Variants in SPECC1 observed in about 807,000 individuals in gnomAD.
The protein encoded by SPECC1 is sperm antigen with calponin homology and coiled-coil domains 1.
SPECC1 carries 62 observed loss-of-function variants against 104.1 expected under a neutral mutation model. The observed-to-expected ratio is 0.60, with a 90% CI of 0.49 to 0.74. SPECC1 has a LOEUF of 0.74. Ranked by LOEUF, SPECC1 falls within the 30% of genes least tolerant of loss-of-function variation. The pLI, the probability that SPECC1 is intolerant of heterozygous loss-of-function variation, is 0.00. For missense variants in SPECC1, 1,306 were observed against 1,310.5 expected (o/e 1.00, Z 0.05); for synonymous variants, 513 against 501.6 (o/e 1.02, Z -0.30).
At chr17:20,215,077 A>G (rs1039112187) in intron 4 of SPECC1, among the ~76,000 whole-genome samples, 1 of 152,286 alleles carries the variant, frequency 6.6e-6, no homozygotes, top group Non-Finnish European at 1.5e-5. Flanking sequence ...ATGCAGCCAC[A>G]GAGGAGATCC....
intron 3 of SPECC1, among the ~76,000 whole-genome samples, chr17:20,142,437 C>T (rs1415383307): frequency 1.3e-5 from 2 of 152,080 alleles, no homozygotes; most frequent in Non-Finnish European, 2.9e-5. Context: ...TCAACAGATG[C>T]GTAGATCAAC....
chr17:20,267,822 T>C (rs966238286), intron 12 of SPECC1, among the ~76,000 whole-genome samples: 1 of 152,156 alleles, frequency 6.6e-6, no homozygotes, highest in Non-Finnish European at 1.5e-5. Context: ...CTTTGTCTCC[T>C]CCTCTGTCCT....
At chr17:20,243,773 G>C (rs915839503) in intron 7 of SPECC1, among the ~76,000 whole-genome samples, 7 of 152,204 alleles carry the variant, frequency 4.6e-5, no homozygotes, top group Admixed American at 2.6e-4. Flanking sequence ...TTGAATTGCA[G>C]ATAAATTTAG....
chr17:20,263,832 A>G (rs575361017), intron 12 of SPECC1, among the ~76,000 whole-genome samples: 93 of 152,298 alleles, frequency 6.1e-4, no homozygotes, highest in Non-Finnish European at 1.2e-3. Context: ...AGAGACAGAC[A>G]ATAAGATGTT....
intron 3 of SPECC1, among the ~76,000 whole-genome samples, chr17:20,153,856 T>C (rs2152569010): frequency 2.6e-5 from 4 of 152,378 alleles, no homozygotes; most frequent in Admixed American, 2.6e-4. Context: ...GTCGACCATC[T>C]TTTCTGGGCT....
chr17:20,295,076 T>C (rs1466387542), intron 12 of SPECC1, among the ~76,000 whole-genome samples: 1 of 151,878 alleles, frequency 6.6e-6, no homozygotes, highest in Non-Finnish European at 1.5e-5. Context: ...AATGTGCAGG[T>C]TTGTTACATA....
At chr17:20,052,967 C>A (rs1419414794) in intron 1 of SPECC1, among the ~76,000 whole-genome samples, 1 of 152,210 alleles carries the variant, frequency 6.6e-6, no homozygotes, top group Non-Finnish European at 1.5e-5. Flanking sequence ...AGCACCCATT[C>A]TTTCTTATTT....
At chr17:20,065,764 T>C (rs1477790933) in intron 1 of SPECC1, among the ~76,000 whole-genome samples, 1 of 152,192 alleles carries the variant, frequency 6.6e-6, no homozygotes, top group Non-Finnish European at 1.5e-5. Flanking sequence ...CTTTAGGGTA[T>C]AGTTAGGACT....
intron 3 of SPECC1, among the ~76,000 whole-genome samples, chr17:20,176,354 G>T (rs1175655140): frequency 6.6e-6 from 1 of 151,976 alleles, no homozygotes; most frequent in Non-Finnish European, 1.5e-5. Flanking sequence ...TTTACTTGAG[G>T]GTAGGCAACA....
At chr17:20,167,225 A>G (rs1275976348) in intron 3 of SPECC1, among the ~76,000 whole-genome samples, 1 of 148,602 alleles carries the variant, frequency 6.7e-6, no homozygotes, top group South Asian at 2.1e-4. Flanking sequence ...TATATATATA[A>G]TGTATATAAT....
intron 3 of SPECC1, among the ~76,000 whole-genome samples, chr17:20,187,416 T>C (rs1221769621): frequency 6.6e-6 from 1 of 152,174 alleles, no homozygotes; most frequent in Non-Finnish European, 1.5e-5. Context: ...TAGATGTTTT[T>C]TGGGGTGCCT....
Position 20,184,152 on chromosome 17 carries a change from G to C in SPECC1, c.284-20181G>C, listed in dbSNP as rs181568622. On this transcript the variant is annotated intron_variant, in intron 3 of 14. Transcript: ENST00000395527. ...GCTGAGATTGTGCCACTGCACTCCG[G>C]CCTGGGTGACAGAGCAAGACTCCTG... Among the ~76,000 whole-genome samples, 187 of 146,960 alleles carry C rather than the reference G, an allele frequency of 1.3e-3. 2 individuals carry two copies. The highest frequency in any genetic ancestry group is 7.1e-3 in the Middle Eastern group (2 of 280).
chr17:20,012,865 C>T (rs1044841474), intron 1 of SPECC1, among the ~76,000 whole-genome samples: 9 of 152,112 alleles, frequency 5.9e-5, no homozygotes, highest in African/African-American at 2.2e-4. Flanking sequence ...TACCGCAGCC[C>T]CTGGCAACCA....
intron 12 of SPECC1, among the ~76,000 whole-genome samples, chr17:20,262,810 A>T (rs1278176784): frequency 6.6e-6 from 1 of 152,076 alleles, no homozygotes; most frequent in Admixed American, 6.5e-5. Flanking sequence ...GATGTCTTAA[A>T]ACCAGAATCT....
intron 3 of SPECC1, among the ~76,000 whole-genome samples, chr17:20,194,726 G>A (rs753771772): frequency 4.9e-4 from 74 of 151,634 alleles, no homozygotes; most frequent in Non-Finnish European, 7.4e-4. Context: ...GGATGGTCTC[G>A]ATCTCCTGAC....
chr17:20,107,801 T>C (rs1467643193), intron 2 of SPECC1, among the ~76,000 whole-genome samples: 1 of 152,084 alleles, frequency 6.6e-6, no homozygotes, highest in Non-Finnish European at 1.5e-5. Context: ...GCTAGGATTA[T>C]AGGCATGAGC....
chr17:20,063,600 G>A (rs1342925003), intron 1 of SPECC1, among the ~76,000 whole-genome samples: 1 of 152,166 alleles, frequency 6.6e-6, no homozygotes, highest in African/African-American at 2.4e-5. Flanking sequence ...TTCATGTAGA[G>A]GAAGGTGGGA....
intron 3 of SPECC1, among the ~76,000 whole-genome samples, chr17:20,170,494 T>A (rs370740734): frequency 2.6e-5 from 4 of 152,144 alleles, no homozygotes; most frequent in African/African-American, 9.7e-5. Flanking sequence ...ACTACAAAAG[T>A]GACCCAGAAA....
At chr17:20,040,173 A>G (rs1028330209) in intron 1 of SPECC1, among the ~76,000 whole-genome samples, 3 of 150,032 alleles carry the variant, frequency 2.0e-5, no homozygotes, top group African/African-American at 5.1e-5. Context: ...ATACACACAC[A>G]TATACACACA....
Sources: allele counts gnomAD v4.1 joint callset (sites outside exome capture counted in the v4.1 genomes callset), GRCh38; gene constraint gnomAD v4.1.1; transcripts MANE v1.5; gene names NCBI Gene and HGNC (gene_info 2026-07-23, HGNC 2026-07-21).